DAGLB: variants seen among roughly 807,000 people sequenced by gnomAD.
The protein encoded by DAGLB is diacylglycerol lipase-beta.
DAGLB carries 66 observed loss-of-function variants against 72.1 expected under a neutral mutation model. The ratio of observed to expected loss-of-function variants is 0.92; its 90% confidence interval spans 0.75 to 1.12. DAGLB has a LOEUF of 1.12. Among genes scored for constraint, DAGLB ranks in the 50% most tolerant of loss-of-function variants. The pLI, the probability that DAGLB is intolerant of heterozygous loss-of-function variation, is 0.00. For missense variants in DAGLB, 1,065 were observed against 884.9 expected (o/e 1.20, Z -2.58); for synonymous variants, 414 against 359.5 (o/e 1.15, Z -1.71).
chr7:6,424,228 T>A (rs980167932), intron 8 of DAGLB, among the ~76,000 whole-genome samples: 1 of 152,092 alleles, frequency 6.6e-6, no homozygotes, highest in African/African-American at 2.4e-5. Context: ...CCCAGGAGTA[T>A]GGACTGAGGA....
chr7:6,436,383 A>G lies in DAGLB; in HGVS notation c.398T>C (p.Ile133Thr), dbSNP rs1784658244. The G allele has an allele frequency of 6.2e-7, 1 of 1,610,696 alleles. No homozygotes were observed. Among genetic ancestry groups the G allele is most frequent in the Non-Finnish European group, 8.5e-7 (1 of 1,179,038 alleles). Reference protein sequence around the residue: ...VQCDRTVVNGIIATVVVSWII... With the variant: ...VQCDRTVVNGTIATVVVSWII... Reference sequence around the variant, plus strand: ...TCACCTGACCACGACGGTTGCGATGATGCCGTTTACAACTGTCCTGTCGCA... The same window carrying G: ...TCACCTGACCACGACGGTTGCGATGGTGCCGTTTACAACTGTCCTGTCGCA... The change falls in exon 3 of 15, where the codon ATC becomes ACC. Residue 133 changes from isoleucine to threonine, a missense_variant. By Grantham distance (89) the Ile-to-Thr change is moderately conservative (BLOSUM62 -1). Transcript: ENST00000297056.
At chr7:6,432,741 G>A in intron 5 of DAGLB, 96 bp downstream of exon 5, 1 of 1,426,736 alleles carries the variant, frequency 7.0e-7, no homozygotes, top group Non-Finnish European at 9.2e-7. Context: ...AATGAAGGAA[G>A]GGAGGAAGAA....
intron 1 of DAGLB, among the ~76,000 whole-genome samples, chr7:6,446,638 T>G (rs965276479): frequency 2.6e-5 from 4 of 151,994 alleles, no homozygotes; most frequent in African/African-American, 4.8e-5. Context: ...TCAAGTGATC[T>G]TCCTGCCTTG....
intron 9 of DAGLB, 154 bp from the exon 10 acceptor site, chr7:6,417,075 T>C: frequency 1.2e-6 from 1 of 822,510 alleles, no homozygotes; most frequent in East Asian, 2.7e-5. Flanking sequence ...TGCATGGCTG[T>C]GCTCCTGGCA....
At chr7:6,434,334 A>G (rs1045003949) in intron 4 of DAGLB, among the ~76,000 whole-genome samples, 3 of 152,202 alleles carry the variant, frequency 2.0e-5, no homozygotes, top group Non-Finnish European at 2.9e-5. Flanking sequence ...TGTCTTCCAA[A>G]AGTAGCATCG....
intron 6 of DAGLB, among the ~76,000 whole-genome samples, chr7:6,426,532 A>C (rs1182337636): frequency 6.6e-6 from 1 of 152,214 alleles, no homozygotes; most frequent in Non-Finnish European, 1.5e-5. Flanking sequence ...GGCCTCCCAA[A>C]GTGCTGGGAT....
At chr7:6,430,162 G>A (rs1041543838) in intron 6 of DAGLB, among the ~76,000 whole-genome samples, 9 of 150,168 alleles carry the variant, frequency 6.0e-5, no homozygotes, top group Admixed American at 2.0e-4. Context: ...CTGAGATCAC[G>A]CCACTGCACT....
intron 4 of DAGLB, among the ~76,000 whole-genome samples, chr7:6,433,994 ACTT>A (rs1784572805): frequency 1.3e-5 from 2 of 152,066 alleles, no homozygotes; most frequent in Non-Finnish European, 2.9e-5. Flanking sequence ...AGGTTTAAGC[ACTT>A]CTTTAAGTTA....
chr7:6,437,640 T>C (rs891091472), intron 2 of DAGLB, among the ~76,000 whole-genome samples: 10 of 151,834 alleles, frequency 6.6e-5, no homozygotes, highest in African/African-American at 2.4e-4. Context: ...GTGGGCGTTT[T>C]TTGGTTAATT....
intron 6 of DAGLB, 72 bp downstream of exon 6, chr7:6,430,408 T>C (rs1214641222): frequency 6.4e-6 from 9 of 1,402,942 alleles, no homozygotes; most frequent in Non-Finnish European, 8.4e-6. Context: ...TTTCAAATTT[T>C]TGAAATATCT....
At position 6,416,853 on chromosome 7, in the gene DAGLB, G is replaced by T. The variant is rs1192581348; in HGVS notation, c.1287C>A (p.Phe429Leu). The stretch of plus-strand genomic sequence containing the variant: ...ACTAAGATCTCACAGGAGCAATGCT[G>T]AAGGCTTGGCTCAAAATCCCGTCGT... ...LINDGILSQA[F>L]SIAPEYRLVI... Residue 429 changes from phenylalanine to leucine, a missense_variant, in exon 10 of 15, where the codon TTC (phenylalanine) becomes TTA (leucine). Phe to Leu is a conservative substitution (Grantham distance 22). Transcript: ENST00000297056. 1 of 1,614,238 alleles carries T rather than the reference G, an allele frequency of 6.2e-7. No homozygotes were observed. The highest frequency in any genetic ancestry group is 8.5e-7 in the Non-Finnish European group (1 of 1,180,048).
chr7:6,425,523 G>T (rs1784281583), intron 7 of DAGLB, among the ~76,000 whole-genome samples: 1 of 152,090 alleles, frequency 6.6e-6, no homozygotes, highest in Non-Finnish European at 1.5e-5. Flanking sequence ...ACCCGCCTCG[G>T]CCTCTCAAAG....
Position 6,430,503 on chromosome 7 carries a change from C to A in DAGLB, c.906G>T (p.Gly302=), listed in dbSNP as rs1364455934. Reference sequence around the variant, plus strand: ...ACCAGTCACCACCAATCCTGCACAGCCCCGTGAGGGGGTTTCTGTAGATGT... The same window carrying A: ...ACCAGTCACCACCAATCCTGCACAGACCCGTGAGGGGGTTTCTGTAGATGT... ...PLYIYRNPLT[G]LCRIGGDCCR... Residue 302 remains glycine (G), a synonymous_variant, in exon 6 of 15, where the codon GGG becomes GGT. Coordinates refer to ENST00000297056, the MANE Select transcript of DAGLB (RefSeq NM_139179.4). The A allele has an allele frequency of 6.3e-7, 1 of 1,593,942 alleles. No homozygotes were observed. The highest frequency in any genetic ancestry group is 8.6e-7 in the Non-Finnish European group (1 of 1,166,920).
chr7:6,425,911 T>C (rs899453703), intron 7 of DAGLB, 77 bp downstream of exon 7: 10 of 1,591,076 alleles, frequency 6.3e-6, no homozygotes, highest in East Asian at 4.5e-5. Context: ...GGAAGAATAA[T>C]TCATAACTTC....
At chr7:6,431,837 A>T (rs543208683) in intron 5 of DAGLB, among the ~76,000 whole-genome samples, 4 of 152,204 alleles carry the variant, frequency 2.6e-5, no homozygotes, top group Non-Finnish European at 2.9e-5. Context: ...CACTACCTGA[A>T]CTCCAGTTGA....
rs766432505 is a variant in DAGLB at position 6,421,309 on chromosome 7, AG to A, written c.1218+417del. The stretch of plus-strand genomic sequence containing the variant: ...GCCTCCCAGGGCTGCTGTGAGAATC[AG>A]GCAGCGCGGGAGGCGCAGGCAGCGC... On this transcript the variant is annotated intron_variant, in intron 9 of 14. Coordinates refer to ENST00000297056, the MANE Select transcript of DAGLB (RefSeq NM_139179.4). Among the ~76,000 whole-genome samples, 98 of 33,320 alleles carry A rather than the reference AG, an allele frequency of 2.9e-3. 2 individuals are homozygous for A. In the African/African-American group the frequency reaches 0.043, roughly 15 times the overall value. 21.9% of individuals were successfully genotyped at this position (33,320 alleles called of 152,430 possible). A position where few individuals can be genotyped will look rare whatever the true frequency, so the allele number is the denominator to read the frequency against.
At chr7:6,446,330 T>C (rs1220487061) in intron 1 of DAGLB, among the ~76,000 whole-genome samples, 2 of 114,164 alleles carry the variant, frequency 1.8e-5, no homozygotes, top group African/African-American at 6.7e-5. Flanking sequence ...AAAAAAAAAA[T>C]AGCTGGGCGT....
intron 8 of DAGLB, among the ~76,000 whole-genome samples, chr7:6,423,603 T>TTTTGAGACAGGGTCTCACTCTG (rs1784205835): frequency 6.6e-6 from 1 of 150,528 alleles, no homozygotes; most frequent in African/African-American, 2.4e-5. Flanking sequence ...TTTTTTTTTT[T>TTTTGAGACAGGGTCTCACTCTG]TCTGAGACAG....
chr7:6,421,914 C>T, intron 8 of DAGLB, 110 bp from the exon 9 acceptor site: 1 of 1,218,222 alleles, frequency 8.2e-7, no homozygotes, highest in Non-Finnish European at 1.2e-6. Context: ...GGGGATGGCA[C>T]CATCTCCTAG....
Sources: allele counts gnomAD v4.1 joint callset (sites outside exome capture counted in the v4.1 genomes callset), GRCh38; gene constraint gnomAD v4.1.1; transcripts MANE v1.5; gene names NCBI Gene and HGNC (gene_info 2026-07-23, HGNC 2026-07-21).